MTCL1: variants seen among roughly 807,000 people sequenced by gnomAD.
MTCL1 encodes the protein microtubule crosslinking factor 1.
A neutral mutation model predicts 141.4 loss-of-function variants in MTCL1; 79 were observed. That is an observed-to-expected ratio of 0.56 (90% confidence interval 0.47 to 0.67). The LOEUF (loss-of-function observed/expected upper bound fraction) is 0.67. MTCL1 is among the 30% of genes least tolerant of loss of function. The pLI, the probability that MTCL1 is intolerant of heterozygous loss-of-function variation, is 0.00. For synonymous variants in MTCL1, 914 were observed against 875.8 expected, an observed-to-expected ratio of 1.04 and a Z score of -0.77; for missense variants, 2,177 against 2,113.9, an observed-to-expected ratio of 1.03 and a Z score of -0.59.
intron 1 of MTCL1, among the ~76,000 whole-genome samples, chr18:8,710,837 C>CTTTTTTTTTTTTTTTTTTTTATTCTTTTT (rs2096085018): frequency 1.2e-5 from 1 of 80,930 alleles, no homozygotes; most frequent in Non-Finnish European, 2.4e-5. Flanking sequence ...GGAAGGCTTT[C>CTTTTTTTTTTTTTTTTTTTTATTCTTTTT]TTTTTTTTTT....
upstream of MTCL1, among the ~76,000 whole-genome samples, chr18:8,717,045 T>G (rs573572106): frequency 6.6e-6 from 1 of 152,322 alleles, no homozygotes; most frequent in South Asian, 2.1e-4. Flanking sequence ...GTCGCCTTTC[T>G]GACTTGGTGT....
At chr18:8,768,118 CAA>C (rs1003503134) in intron 4 of MTCL1, among the ~76,000 whole-genome samples, 1 of 152,076 alleles carries the variant, frequency 6.6e-6, no homozygotes, top group Admixed American at 6.5e-5. Flanking sequence ...AAACAGATAG[CAA>C]AAAGAGTTCT....
chr18:8,730,112 T>C (rs1402136833), intron 4 of MTCL1, among the ~76,000 whole-genome samples: 2 of 152,188 alleles, frequency 1.3e-5, no homozygotes, highest in African/African-American at 4.8e-5. Flanking sequence ...GTTGGGCACA[T>C]GTGTTTGGGT....
At chr18:8,798,428 T>G in intron 10 of MTCL1, 137 bp downstream of exon 9, 1 of 677,962 alleles carries the variant, frequency 1.5e-6, no homozygotes, top group South Asian at 2.9e-5. Flanking sequence ...GGTCACCTGT[T>G]GTCATTTGTG....
chr18:8,739,314 C>G (rs1013656497), intron 4 of MTCL1, among the ~76,000 whole-genome samples: 14 of 152,130 alleles, frequency 9.2e-5, no homozygotes, highest in African/African-American at 3.4e-4. Context: ...TAGTCAGGAG[C>G]AGGCAGGGGC....
At chr18:8,735,359 G>A (rs920554071) in intron 4 of MTCL1, among the ~76,000 whole-genome samples, 4 of 152,104 alleles carry the variant, frequency 2.6e-5, no homozygotes, top group Non-Finnish European at 4.4e-5. Flanking sequence ...CACTGTTCTG[G>A]CTGTTGTGAA....
Position 8,755,650 on chromosome 18 carries a change from C to A in MTCL1, c.358-22183C>A, listed in dbSNP as rs187139682. On this transcript the variant is annotated intron_variant, in intron 4 of 16. Coordinates refer to ENST00000359865, the Ensembl canonical transcript of MTCL1. ...TGACCTATTTTGTGGCAGATCATGACTATTTTTAGAGTCTAAACCACCTTT... is the reference window on the plus strand; with the variant it reads ...TGACCTATTTTGTGGCAGATCATGAATATTTTTAGAGTCTAAACCACCTTT... 9.8e-5 allele frequency among the ~76,000 whole-genome samples: 15 copies of A among 152,322 alleles called. No homozygotes were observed. In the East Asian group the frequency reaches 2.7e-3, roughly 27 times the overall value.
intron 4 of MTCL1, among the ~76,000 whole-genome samples, chr18:8,724,605 A>G (rs1372452818): frequency 6.6e-6 from 1 of 152,056 alleles, no homozygotes; most frequent in Non-Finnish European, 1.5e-5. Context: ...CTCTGCTTAA[A>G]CAGGCAGACT....
intron 7 of MTCL1, among the ~76,000 whole-genome samples, chr18:8,791,328 A>C (rs1375264154): frequency 6.6e-6 from 1 of 151,900 alleles, no homozygotes. Context: ...CTTTGAATTG[A>C]TGTTACCAGT....
intron 13 of MTCL1, 133 bp downstream of exon 12, chr18:8,819,392 T>A: frequency 1.1e-6 from 1 of 873,050 alleles, no homozygotes; most frequent in Non-Finnish European, 1.7e-6. Flanking sequence ...CCGAATTGAG[T>A]AAAAATGAAA....
chr18:8,740,904 A>T (rs1598449983), intron 4 of MTCL1, among the ~76,000 whole-genome samples: 2 of 152,338 alleles, frequency 1.3e-5, no homozygotes, highest in East Asian at 3.9e-4. Context: ...AGCACCTGGG[A>T]TGTCCTAGTT....
At chr18:8,824,935 G>A in exon 15 of MTCL1, 2 of 1,613,718 alleles carry the variant, frequency 1.2e-6, no homozygotes, top group Non-Finnish European at 1.7e-6. Flanking sequence ...GGGCGGGCAG[G>A]GCACGAGGAC....
intron 8 of MTCL1, among the ~76,000 whole-genome samples, chr18:8,794,413 G>A (rs1454132103): frequency 6.6e-6 from 1 of 152,158 alleles, no homozygotes; most frequent in Admixed American, 6.5e-5. Flanking sequence ...AGTTCATGGA[G>A]CCATGGAACA....
chr18:8,722,548 T>A (rs955844397), intron 4 of MTCL1, among the ~76,000 whole-genome samples: 24 of 152,200 alleles, frequency 1.6e-4, no homozygotes, highest in African/African-American at 5.8e-4. Context: ...TGTATTCTTA[T>A]AATAAAGCTA....
rs766285231 is a variant in MTCL1 at position 8,783,935 on chromosome 18, C to T, written c.823C>T (p.Arg275Cys). ...CTCCCTGGAGTCCTCCACTGAGCTC[C>T]GCCGCCACCTGCAGTTTGTAGAAGA... The change falls in exon 6 of 17, where the codon CGC becomes TGC. Residue 275 changes from arginine to cysteine, a missense_variant. Arg to Cys is a radical substitution (Grantham distance 180). Coordinates refer to ENST00000359865, the Ensembl canonical transcript of MTCL1. The T allele has an allele frequency of 9.3e-6, 15 of 1,613,524 alleles. No homozygotes were observed. The highest frequency in any genetic ancestry group is 2.2e-5 in the East Asian group (1 of 44,872).
rs551898634 is a variant in MTCL1, at chr18:8,815,689, A to G, written c.2859+2456A>G. Among the ~76,000 whole-genome samples, 34 of 152,112 alleles carry G rather than the reference A, an allele frequency of 2.2e-4. 1 individual carries two copies. The South Asian group carries it at 7.1e-3, about 32-fold the overall frequency. ...AGTCAGTGACTTAAAGATGAACCAC[A>G]GCCTCATTTTGAGACTATATTTTGG... On this transcript the variant is annotated intron_variant, in intron 12 of 16. Coordinates refer to ENST00000359865, the Ensembl canonical transcript of MTCL1.
chr18:8,741,887 G>A (rs1021899746), intron 4 of MTCL1, among the ~76,000 whole-genome samples: 11 of 152,324 alleles, frequency 7.2e-5, no homozygotes, highest in African/African-American at 2.2e-4. Flanking sequence ...CGCAGGGTGG[G>A]CATCCTCTGG....
At chr18:8,775,186 A>G (rs650593) in intron 4 of MTCL1, among the ~76,000 whole-genome samples, 36,380 of 152,120 alleles carry the variant, frequency 0.24, 4,642 homozygotes, top group East Asian at 0.45. Context: ...CCTGATCGCT[A>G]TTACAGCCCT....
chr18:8,728,664 G>A (rs1476871208), intron 4 of MTCL1, among the ~76,000 whole-genome samples: 2 of 137,518 alleles, frequency 1.5e-5, no homozygotes, highest in Non-Finnish European at 3.1e-5. Flanking sequence ...TTCATCACCT[G>A]TATTCTTTCT....
Sources: allele counts gnomAD v4.1 joint callset (sites outside exome capture counted in the v4.1 genomes callset), GRCh38; gene constraint gnomAD v4.1.1; transcripts MANE v1.5; gene names NCBI Gene and HGNC (gene_info 2026-07-23, HGNC 2026-07-21).